Variants in SOD2 observed in about 807,000 individuals in gnomAD.
SOD2 encodes superoxide dismutase 2, also known as superoxide dismutase [Mn], mitochondrial.
In SOD2, 11 loss-of-function variants were observed where a neutral mutation model predicts 27.0. The ratio of observed to expected loss-of-function variants is 0.41; its 90% CI spans 0.26 to 0.67. SOD2 has a LOEUF of 0.67. SOD2 is among the 30% of genes least tolerant of loss of function. The pLI, the probability that SOD2 is intolerant of heterozygous loss-of-function variation, is 0.34. For synonymous variants in SOD2, 105 were observed against 103.0 expected, an observed-to-expected ratio of 1.02 and a Z score of -0.12; for missense variants, 250 against 274.5, an observed-to-expected ratio of 0.91 and a Z score of 0.63.
At chr6:159,755,169 G>A (rs1484361016) in intron 1 of SOD2, 1 of 1,614,134 alleles carries the variant, frequency 6.2e-7, no homozygotes, top group African/African-American at 1.3e-5. Context: ...TCTGCCCCAA[G>A]TACCAGCAGG....
chr6:159,740,061 T>A (rs551862864), intron 1 of SOD2, among the ~76,000 whole-genome samples: 3 of 152,136 alleles, frequency 2.0e-5, no homozygotes, highest in African/African-American at 7.2e-5. Flanking sequence ...CTCAGGCTGG[T>A]CTTGAATGCC....
At chr6:159,749,636 A>G (rs546231789), upstream of SOD2, among the ~76,000 whole-genome samples, 6 of 152,258 alleles carry the variant, frequency 3.9e-5, no homozygotes, top group East Asian at 1.2e-3. Context: ...TACTTTTATG[A>G]CACTTTGTCC....
chr6:159,714,967 C>T (rs1777898989), intron 1 of SOD2, among the ~76,000 whole-genome samples: 1 of 152,036 alleles, frequency 6.6e-6, no homozygotes, highest in African/African-American at 2.4e-5. Flanking sequence ...ATTCCTGTGT[C>T]AGTCCTTGGG....
intron 1 of SOD2, chr6:159,754,934 G>A (rs796398022): frequency 2.5e-5 from 32 of 1,283,576 alleles, no homozygotes; most frequent in African/African-American, 1.5e-4. Flanking sequence ...TTACTTGAGC[G>A]TTTATTGACT....
At chr6:159,715,987 G>T (rs1777916416) in intron 1 of SOD2, among the ~76,000 whole-genome samples, 1 of 151,732 alleles carries the variant, frequency 6.6e-6, no homozygotes, top group Admixed American at 6.6e-5. Context: ...TCTTATAAAA[G>T]TTTGGTTTTC....
chr6:159,725,467 T>TGA (rs1025877461), intron 1 of SOD2: 1 of 137,368 alleles, frequency 7.3e-6, no homozygotes, highest in African/African-American at 2.8e-5. Context: ...GGCAACACAG[T>TGA]GAGACTGTCT....
At chr6:159,728,434 A>AC (rs1235522231), upstream of SOD2, among the ~76,000 whole-genome samples, 1 of 152,058 alleles carries the variant, frequency 6.6e-6, no homozygotes, top group African/African-American at 2.4e-5. Context: ...ACAAAACAAA[A>AC]AAACTATTAT....
At chr6:159,748,902 G>A, upstream of SOD2, 1 of 1,177,442 alleles carries the variant, frequency 8.5e-7, no homozygotes, top group Non-Finnish European at 1.0e-6. This position sits in a 1 kb window ranked among gnomAD's most constrained non-coding sequence, Gnocchi z 5.6. Flanking sequence ...CTTCATGATT[G>A]TTGTTGAACT....
intron 1 of SOD2, among the ~76,000 whole-genome samples, chr6:159,709,830 C>A (rs141776623): frequency 6.6e-6 from 1 of 151,944 alleles, no homozygotes; most frequent in Non-Finnish European, 1.5e-5. Flanking sequence ...ATGTTTATTG[C>A]GGCACTACTC....
At chr6:159,727,284 G>T (rs1778229311) in exon 1 of SOD2, 2 of 1,282,386 alleles carry the variant, frequency 1.6e-6, no homozygotes, top group Non-Finnish European at 2.0e-6. Flanking sequence ...TCCTGGCGGG[G>T]TTCGGCGGCG....
At chr6:159,744,433 A>G (rs548482954) in intron 1 of SOD2, among the ~76,000 whole-genome samples, 52 of 152,184 alleles carry the variant, frequency 3.4e-4, no homozygotes, top group African/African-American at 1.2e-3. Flanking sequence ...CTCTCCCTTC[A>G]TTTGGTACAT....
At chr6:159,719,769 G>A (rs1237256382) in intron 1 of SOD2, among the ~76,000 whole-genome samples, 1 of 145,566 alleles carries the variant, frequency 6.9e-6, no homozygotes, top group Admixed American at 7.0e-5. Flanking sequence ...TGTCCCCCAG[G>A]TTGGAGTGCA....
chr6:159,739,025 A>G (rs750444904), intron 1 of SOD2: 17 of 1,611,846 alleles, frequency 1.1e-5, no homozygotes, highest in Non-Finnish European at 1.4e-5. Context: ...AAGTTATGGC[A>G]AGAGATGAGT....
Position 159,692,459 on chromosome 6 carries a change from T to C in SOD2, c.226+202A>G, listed in dbSNP as rs1010420816. ...CCCAAGTTCCCTGAGATGACAGAAG[T>C]GTGTTCAAACCCATCGAGGCACTCC... On this transcript the variant is annotated intron_variant, in intron 2 of 4. Transcript: ENST00000538183. The C allele has an allele frequency of 3.5e-6, 5 of 1,414,668 alleles. No individual in the cohort carries two copies. In the African/African-American group the frequency reaches 7.3e-5, roughly 21 times the overall value. 87.6% of individuals were successfully genotyped at this position (1,414,668 alleles called of 1,614,324 possible).
At chr6:159,733,355 G>A (rs1351303341) in intron 1 of SOD2, among the ~76,000 whole-genome samples, 1 of 152,104 alleles carries the variant, frequency 6.6e-6, no homozygotes, top group African/African-American at 2.4e-5. Context: ...AGTGGCTCAC[G>A]CCTGTAATGC....
exon 1 of SOD2, chr6:159,761,884 C>T: frequency 9.3e-6 from 3 of 323,556 alleles, no homozygotes; most frequent in Non-Finnish European, 1.6e-5. Context: ...CGCCCCGCGC[C>T]CCGCGCCCCG....
intron 1 of SOD2, among the ~76,000 whole-genome samples, chr6:159,714,172 T>G (rs1777882714): frequency 6.6e-6 from 1 of 152,160 alleles, no homozygotes; most frequent in Admixed American, 6.5e-5. Flanking sequence ...CCATCTGACT[T>G]CTCTGTGCCT....
chr6:159,719,645 AG>A (rs1777990908), intron 1 of SOD2, among the ~76,000 whole-genome samples: 1 of 150,864 alleles, frequency 6.6e-6, no homozygotes, highest in Non-Finnish European at 1.5e-5. Context: ...AAAAAAAAAA[AG>A]TTGCAGGCTA....
upstream of SOD2, among the ~76,000 whole-genome samples, chr6:159,695,432 C>T (rs1777406255): frequency 6.6e-6 from 1 of 152,186 alleles, no homozygotes; most frequent in East Asian, 1.9e-4. Context: ...AAAACACTAC[C>T]ATGACTGTGA....
Sources: allele counts gnomAD v4.1 joint callset (sites outside exome capture counted in the v4.1 genomes callset), GRCh38; gene constraint gnomAD v4.1.1; non-coding constraint Gnocchi (gnomAD v3.1); transcripts MANE v1.5; gene names NCBI Gene and HGNC (gene_info 2026-07-23, HGNC 2026-07-21).